Variants in PCSK5 observed in about 807,000 individuals in gnomAD.
PCSK5 encodes proprotein convertase subtilisin/kexin type 5.
A neutral mutation model predicts 233.2 loss-of-function variants in PCSK5; 129 were observed. That is an observed-to-expected ratio of 0.55 (90% CI 0.48 to 0.64). The LOEUF (loss-of-function observed/expected upper bound fraction) is 0.64. PCSK5 is among the 30% of genes least tolerant of loss of function. PCSK5 has a pLI of 0.00. For missense variants in PCSK5, 2,076 were observed against 2,430.1 expected, an observed-to-expected ratio of 0.85 and a Z score of 3.06; for synonymous variants, 825 against 879.2, an observed-to-expected ratio of 0.94 and a Z score of 1.09.
At chr9:76,028,961 G>A (rs1405614486) in intron 5 of PCSK5, among the ~76,000 whole-genome samples, 1 of 152,028 alleles carries the variant, frequency 6.6e-6, no homozygotes, top group African/African-American at 2.4e-5. Flanking sequence ...TATAATTTTT[G>A]CAAAGGTGAT....
chr9:75,922,770 C>G (rs1229054059), intron 1 of PCSK5, among the ~76,000 whole-genome samples: 1 of 152,250 alleles, frequency 6.6e-6, no homozygotes. Flanking sequence ...AATCTCATGT[C>G]CCTTGTGAAT....
At chr9:76,248,813 T>G (rs965224560) in intron 24 of PCSK5, among the ~76,000 whole-genome samples, 1 of 152,116 alleles carries the variant, frequency 6.6e-6, no homozygotes, top group Non-Finnish European at 1.5e-5. Context: ...TGAGACAGGG[T>G]CCCCCTGTCA....
intron 24 of PCSK5, chr9:76,286,367 C>T (rs1828065405): frequency 6.6e-6 from 1 of 152,182 alleles, no homozygotes. Flanking sequence ...TTCTCACCTG[C>T]CCACATCTGA....
chr9:76,350,850 A>T lies in PCSK5; in HGVS notation c.4989A>T (p.Leu1663Phe), dbSNP rs1830103135. The change falls in exon 36 of 38, where the codon TTA (leucine) becomes TTT (phenylalanine). Residue 1663 changes from leucine to phenylalanine, a missense_variant. Physicochemically the swap from Leu to Phe is conservative, Grantham distance 22. Around this residue, in one of 6 missense-constraint regions of PCSK5, gnomAD observed 1,510 missense variants for 1,538.1 expected, o/e 0.98. Transcript: ENST00000674117. ...QCKGKGALNC[L>F]SCVWSYHLMG... ...CAGGAAAAGGAGCGTTGAATTGTTT[A>T]TCCTGTGTGTGGAGTTACCACCTCA... 2 of 1,604,664 alleles carry T rather than the reference A, an allele frequency of 1.2e-6. No homozygotes were observed. The highest frequency in any genetic ancestry group is 1.7e-5 in the Admixed American group (1 of 59,832).
rs1455821767 is a variant in PCSK5 at position 76,359,711 on chromosome 9, G to T, written c.*789G>T. 1 of 152,108 alleles carries T rather than the reference G, an allele frequency of 6.6e-6. No homozygotes were observed. Among genetic ancestry groups the T allele is most frequent in the Non-Finnish European group, 1.5e-5 (1 of 68,024 alleles). 9.4% of individuals were successfully genotyped at this position (152,108 alleles called of 1,614,324 possible). ...TTTTCTGGGTACTTTTCGCCTGGGA[G>T]ACATCAGCTAAGACATCGAATAATA... On this transcript the variant is annotated 3_prime_UTR_variant, in exon 38 of 38. Coordinates refer to ENST00000674117, the MANE Select transcript of PCSK5 (RefSeq NM_001372043.1).
At chr9:75,927,147 A>G (rs1436183475) in intron 1 of PCSK5, among the ~76,000 whole-genome samples, 3 of 152,180 alleles carry the variant, frequency 2.0e-5, no homozygotes, top group Non-Finnish European at 2.9e-5. Flanking sequence ...TGTTAATGTT[A>G]GCCATTCTAG....
chr9:76,025,962 G>A (rs1828406340), intron 4 of PCSK5, among the ~76,000 whole-genome samples: 1 of 151,894 alleles, frequency 6.6e-6, no homozygotes, highest in Admixed American at 6.6e-5. Flanking sequence ...AAATAACTGG[G>A]TGTGATGGCA....
intron 24 of PCSK5, among the ~76,000 whole-genome samples, chr9:76,269,243 C>G (rs1827430901): frequency 1.3e-5 from 2 of 152,216 alleles, no homozygotes; most frequent in Non-Finnish European, 2.9e-5. Flanking sequence ...AAAGTATATT[C>G]CAGTCCACCA....
intron 20 of PCSK5, among the ~76,000 whole-genome samples, chr9:76,196,722 G>GTA (rs1824717616): frequency 6.6e-6 from 1 of 152,178 alleles, no homozygotes; most frequent in South Asian, 2.1e-4. Flanking sequence ...TATAGAGTAG[G>GTA]TATATACACA....
intron 27 of PCSK5, among the ~76,000 whole-genome samples, chr9:76,300,389 A>G (rs1361936914): frequency 1.3e-5 from 2 of 152,200 alleles, no homozygotes; most frequent in Non-Finnish European, 2.9e-5. Context: ...TAAGTAATTA[A>G]CTGTTTGGCC....
At chr9:75,895,067 C>T (rs577991891) in intron 1 of PCSK5, among the ~76,000 whole-genome samples, 1 of 152,286 alleles carries the variant, frequency 6.6e-6, no homozygotes, top group East Asian at 1.9e-4. Flanking sequence ...AGCAAAGCCC[C>T]TTCCCCAAAC....
intron 25 of PCSK5, among the ~76,000 whole-genome samples, chr9:76,293,077 G>A (rs12001438): frequency 0.22 from 34,081 of 152,048 alleles, 3,969 homozygotes; most frequent in African/African-American, 0.27. Flanking sequence ...TTTTACTCCA[G>A]TTGCACCACA....
At chr9:76,142,189 TTTA>T (rs919456429) in intron 10 of PCSK5, among the ~76,000 whole-genome samples, 5 of 151,830 alleles carry the variant, frequency 3.3e-5, no homozygotes, top group African/African-American at 1.2e-4. Flanking sequence ...TTCATTCTCT[TTTA>T]TTGCTATCTA....
At chr9:75,890,021 C>T (rs1293318612), upstream of PCSK5, among the ~76,000 whole-genome samples, 1 of 152,208 alleles carries the variant, frequency 6.6e-6, no homozygotes, top group Non-Finnish European at 1.5e-5. Context: ...TCCACTAGCA[C>T]ACCAAATATT....
chr9:75,937,541 T>C (rs184292881), intron 2 of PCSK5, among the ~76,000 whole-genome samples: 3 of 152,286 alleles, frequency 2.0e-5, no homozygotes, highest in Non-Finnish European at 4.4e-5. Context: ...AGCGTTGGCT[T>C]CAACTTGAAG....
intron 3 of PCSK5, among the ~76,000 whole-genome samples, chr9:76,021,248 C>T (rs1315038787): frequency 1.3e-5 from 2 of 152,082 alleles, no homozygotes; most frequent in South Asian, 4.1e-4. Flanking sequence ...AAAATTCACA[C>T]CCAAGATTCA....
At chr9:76,214,177 T>C (rs566747291) in intron 20 of PCSK5, among the ~76,000 whole-genome samples, 2 of 152,246 alleles carry the variant, frequency 1.3e-5, no homozygotes, top group East Asian at 3.9e-4. Context: ...GGGTAGAAAG[T>C]GAGCCTTCTT....
intron 24 of PCSK5, among the ~76,000 whole-genome samples, chr9:76,276,521 C>A (rs1037014521): frequency 4.6e-5 from 7 of 152,182 alleles, no homozygotes; most frequent in Non-Finnish European, 8.8e-5. Context: ...CCTTTCTCTC[C>A]ATCTCTTCCA....
intron 17 of PCSK5, 47 bp from the exon 18 acceptor site, chr9:76,188,531 G>A (rs1249148008): frequency 8.2e-7 from 1 of 1,220,530 alleles, no homozygotes; most frequent in Middle Eastern, 1.9e-4. Context: ...TTACGTTTTG[G>A]CCTCATCACA....
Sources: gnomAD v4.1 joint callset for allele counts (sites outside exome capture counted in the v4.1 genomes callset) on GRCh38, gnomAD v4.1.1 for gene constraint, gnomAD v4.1.1 regional missense constraint, MANE v1.5 for transcripts, NCBI Gene and HGNC (gene_info 2026-07-23, HGNC 2026-07-21) for gene names.